Variants in ADCK1 observed in about 807,000 individuals in gnomAD.
ADCK1 encodes the protein aarF domain containing kinase 1.
In ADCK1, 41 loss-of-function variants were observed where a neutral mutation model predicts 52.3. The observed-to-expected ratio is 0.78, with a 90% confidence interval of 0.61 to 1.02. ADCK1 has a LOEUF of 1.02. Among genes scored for constraint, ADCK1 ranks in the 50% least tolerant of loss-of-function variants. The pLI is 0.00. For missense variants in ADCK1, 658 were observed against 679.5 expected (o/e 0.97, Z 0.35); for synonymous variants, 250 against 274.6 (o/e 0.91, Z 0.89).
At chr14:77,821,702 G>A (rs549759850) in intron 2 of ADCK1, among the ~76,000 whole-genome samples, 3 of 151,938 alleles carry the variant, frequency 2.0e-5, no homozygotes, top group South Asian at 4.2e-4. Context: ...TCAACATGGC[G>A]AAATCCCATC....
At chr14:77,908,127 A>G (rs1292265529) in intron 7 of ADCK1, 4 of 460,500 alleles carry the variant, frequency 8.7e-6, no homozygotes, top group Non-Finnish European at 1.6e-5. Context: ...GCCTGCAGGG[A>G]CATGCTGAAC....
intron 3 of ADCK1, among the ~76,000 whole-genome samples, chr14:77,834,045 G>A (rs554018560): frequency 2.6e-5 from 4 of 152,236 alleles, no homozygotes; most frequent in Admixed American, 6.5e-5. Context: ...GTTATAGCCC[G>A]TGGGTACTTC....
chr14:77,903,658 T>C (rs2083596972), intron 6 of ADCK1, among the ~76,000 whole-genome samples: 1 of 151,964 alleles, frequency 6.6e-6, no homozygotes, highest in South Asian at 2.1e-4. Context: ...AACCACAGGG[T>C]TTGGGACTGG....
intron 7 of ADCK1, among the ~76,000 whole-genome samples, chr14:77,912,438 GT>G (rs1316571791): frequency 1.3e-5 from 1 of 79,482 alleles, no homozygotes; most frequent in African/African-American, 7.1e-5. Context: ...AGGAGCGTGT[GT>G]GTGTGTGTGT....
chr14:77,848,010 C>T (rs2082206648), intron 3 of ADCK1, among the ~76,000 whole-genome samples: 1 of 152,158 alleles, frequency 6.6e-6, no homozygotes, highest in African/African-American at 2.4e-5. Flanking sequence ...CCGGGGAGGG[C>T]AACACTGAGG....
At chr14:77,804,978 A>G (rs2081188763) in intron 1 of ADCK1, among the ~76,000 whole-genome samples, 2 of 152,042 alleles carry the variant, frequency 1.3e-5, no homozygotes, top group South Asian at 4.1e-4. Flanking sequence ...AGGCTGGGGT[A>G]GGCGGATCAC....
chr14:77,890,658 A>AT (rs2140217285), intron 5 of ADCK1, among the ~76,000 whole-genome samples: 1 of 152,328 alleles, frequency 6.6e-6, no homozygotes, highest in African/African-American at 2.4e-5. Context: ...GGGAGATCAA[A>AT]TCAGTAAAGC....
chr14:77,860,630 C>T (rs1029822219), intron 4 of ADCK1, among the ~76,000 whole-genome samples: 1 of 152,136 alleles, frequency 6.6e-6, no homozygotes, highest in African/African-American at 2.4e-5. Context: ...GAAAGGTAAA[C>T]CCGAACTGTG....
intron 5 of ADCK1, among the ~76,000 whole-genome samples, chr14:77,894,131 A>T (rs1450125916): frequency 1.3e-5 from 2 of 152,224 alleles, no homozygotes; most frequent in African/African-American, 2.4e-5. Context: ...TTTTTAAAAT[A>T]TATATTAAAA....
At chr14:77,821,260 G>A (rs2081575944) in intron 2 of ADCK1, 1 of 38,974 alleles carries the variant, frequency 2.6e-5, no homozygotes, top group Non-Finnish European at 6.0e-5. Context: ...AGGAAGATAC[G>A]CTTTATAAAC....
intron 7 of ADCK1, among the ~76,000 whole-genome samples, chr14:77,912,940 A>G (rs1282349642): frequency 6.6e-6 from 1 of 152,198 alleles, no homozygotes; most frequent in Admixed American, 6.5e-5. Context: ...AGCTTGCTGT[A>G]TAACCTTAGG....
chr14:77,825,536 G>A (rs929458113), intron 3 of ADCK1, among the ~76,000 whole-genome samples: 4 of 152,142 alleles, frequency 2.6e-5, no homozygotes, highest in African/African-American at 7.2e-5. Context: ...TGAGGACAGA[G>A]ACTTGGTCTG....
intron 4 of ADCK1, among the ~76,000 whole-genome samples, chr14:77,873,410 A>T (rs2082828763): frequency 6.6e-6 from 1 of 152,158 alleles, no homozygotes; most frequent in Admixed American, 6.5e-5. Context: ...CAGTGGCTTT[A>T]CCTGTGCCAC....
intron 1 of ADCK1, among the ~76,000 whole-genome samples, chr14:77,817,576 A>G (rs2081483324): frequency 6.6e-6 from 1 of 152,198 alleles, no homozygotes; most frequent in African/African-American, 2.4e-5. Flanking sequence ...TAGGGTGGGG[A>G]AAGGTCACAT....
At chr14:77,920,574 T>C (rs2084025341) in intron 7 of ADCK1, among the ~76,000 whole-genome samples, 1 of 152,242 alleles carries the variant, frequency 6.6e-6, no homozygotes, top group Non-Finnish European at 1.5e-5. Flanking sequence ...TTACTTTGGC[T>C]ATGTGGACTT....
chr14:77,924,521 A>T lies in ADCK1; in HGVS notation c.923A>T (p.Asp308Val). 1 of 1,614,098 alleles carries T rather than the reference A, an allele frequency of 6.2e-7. No homozygotes were observed. Among genetic ancestry groups the T allele is most frequent in the Non-Finnish European group, 8.5e-7 (1 of 1,180,040 alleles). Residue 308 changes from aspartate to valine, a missense_variant, in exon 8 of 11, where the codon GAT (aspartate) becomes GTT (valine). By Grantham distance (152) the Asp-to-Val change is radical. Coordinates refer to ENST00000238561, the MANE Select transcript of ADCK1 (RefSeq NM_020421.4). The part of the protein sequence containing the change: ...MIFVNGFVHC[D>V]PHPGNVLVRK... ...TTCGTCAATGGCTTCGTGCACTGCGATCCCCACCCCGGCAATGTACTGGTG... is the reference window on the plus strand; with the variant it reads ...TTCGTCAATGGCTTCGTGCACTGCGTTCCCCACCCCGGCAATGTACTGGTG...
chr14:77,865,993 A>G (rs959795981), intron 4 of ADCK1, among the ~76,000 whole-genome samples: 4 of 152,140 alleles, frequency 2.6e-5, no homozygotes, highest in Non-Finnish European at 4.4e-5. Context: ...GGGCTTTCTG[A>G]TAACTGGTAC....
intron 5 of ADCK1, among the ~76,000 whole-genome samples, chr14:77,888,033 A>G (rs1217213156): frequency 6.6e-6 from 1 of 152,046 alleles, no homozygotes; most frequent in South Asian, 2.1e-4. Context: ...GGTGCTGGGG[A>G]CATGAGAGTG....
At chr14:77,852,869 A>G (rs1360822270) in intron 3 of ADCK1, among the ~76,000 whole-genome samples, 1 of 86,518 alleles carries the variant, frequency 1.2e-5, no homozygotes. Flanking sequence ...CAAGTTCACT[A>G]ATCTTTTATG....
Sources: allele counts gnomAD v4.1 joint callset (sites outside exome capture counted in the v4.1 genomes callset), GRCh38; gene constraint gnomAD v4.1.1; transcripts MANE v1.5; gene names NCBI Gene and HGNC (gene_info 2026-07-23, HGNC 2026-07-21).